The following EIF4G3 variants were observed in gnomAD, a reference collection of about 807,000 sequenced individuals.
The protein encoded by EIF4G3 is eukaryotic translation initiation factor 4 gamma 3.
Under a neutral mutation model 186.4 loss-of-function variants are expected in EIF4G3, and 34 were observed. That is an observed-to-expected ratio of 0.18 (90% confidence interval 0.14 to 0.24). The LOEUF is 0.24. EIF4G3 is among the 10% of genes least tolerant of loss of function. The pLI is 1.00. For missense variants in EIF4G3, 1,536 were observed against 1,948.5 expected (o/e 0.79, Z 3.99); for synonymous variants, 673 against 679.5 (o/e 0.99, Z 0.15).
chr1:20,862,942 C>A (rs182361922), intron 22 of EIF4G3, among the ~76,000 whole-genome samples: 13 of 151,952 alleles, frequency 8.6e-5, no homozygotes, highest in Non-Finnish European at 1.6e-4. Flanking sequence ...CTACACCCAG[C>A]TAAATTTTTC....
intron 18 of EIF4G3, chr1:20,892,682 G>A: frequency 6.5e-7 from 1 of 1,536,104 alleles, no homozygotes; most frequent in Non-Finnish European, 8.7e-7. Flanking sequence ...TTGGGGCTTT[G>A]CTCTGTTCCA....
chr1:20,948,845 C>T (rs1285770045), intron 13 of EIF4G3, among the ~76,000 whole-genome samples: 6 of 151,172 alleles, frequency 4.0e-5, no homozygotes, highest in Admixed American at 2.6e-4. Context: ...CCCGTCTATA[C>T]TAAAAATACA....
chr1:20,892,632 C>T lies in EIF4G3; in HGVS notation c.2253+885G>A, dbSNP rs755498324. On this transcript the variant is annotated intron_variant, in intron 18 of 36. Transcript: ENST00000602326. ...TGTTCAGCGCACCCCTAGAGGCAGGCTCTTCATGGGTGGGTGTGACATCAC... is the reference window on the plus strand; with the variant it reads ...TGTTCAGCGCACCCCTAGAGGCAGGTTCTTCATGGGTGGGTGTGACATCAC... The T allele has an allele frequency of 4.6e-6, 7 of 1,535,084 alleles. No individual in the cohort carries two copies. The East Asian group carries it at 1.7e-4, about 38-fold the overall frequency.
rs12139787 is a variant in EIF4G3, at chr1:21,161,435, G to A, written c.-272+14740C>T. ...TGAGAATCGCTTGAACCTGGGAGGCGGAGGTTGCAGTGAGCCGAGATCGCA... is the reference window on the plus strand; with the variant it reads ...TGAGAATCGCTTGAACCTGGGAGGCAGAGGTTGCAGTGAGCCGAGATCGCA... On this transcript the variant is annotated intron_variant, in intron 2 of 36. Coordinates refer to ENST00000602326, the MANE Select transcript of EIF4G3 (RefSeq NM_001391906.1). 4.3e-3 allele frequency: 653 copies of A among 151,462 alleles called. 5 individuals are homozygous for A. The highest frequency in any genetic ancestry group is 5.0e-3 in the African/African-American group (205 of 41,010). The allele number at this position is 151,462 out of a possible 1,614,324, so 9.4% of individuals were successfully genotyped here.
chr1:20,943,968 T>TGTGTGTGTGTGTG lies in EIF4G3; in HGVS notation c.824-1639_824-1638insCACACACACACAC, dbSNP rs1558362029. Among the ~76,000 whole-genome samples, 74 of 11,954 alleles carry TGTGTGTGTGTGTG rather than the reference T, an allele frequency of 6.2e-3. 6 individuals carry two copies. Among genetic ancestry groups the TGTGTGTGTGTGTG allele is most frequent in the East Asian group, 0.029 (29 of 1,004 alleles). The allele number at this position is 11,954 out of a possible 152,430, so 7.8% of individuals were successfully genotyped here. On this transcript the variant is annotated intron_variant, in intron 13 of 36. Coordinates refer to ENST00000602326, the MANE Select transcript of EIF4G3 (RefSeq NM_001391906.1). ...AATATTTCAGGAAAACTTGTCTTTA[T>TGTGTGTGTGTGTG]TTTTTTTGTGTGTGTGTGTGTGTGT...
Position 20,868,090 on chromosome 1 carries a change from CTTT to C in EIF4G3, c.2623-2831_2623-2829del, listed in dbSNP as rs66560662. Among the ~76,000 whole-genome samples the C allele has an allele frequency of 7.7e-5, 7 of 90,434 alleles. No individual in the cohort carries two copies. The East Asian group carries it at 1.2e-3, about 15-fold the overall frequency. 59.3% of individuals were successfully genotyped at this position (90,434 alleles called of 152,430 possible). Reference sequence around the variant, plus strand: ...GAGAATAGTGATTCATGGTGATTTTCTTTTTTTTTTTTTTTTGTCCTTAGGGGA... The same window carrying C: ...GAGAATAGTGATTCATGGTGATTTTCTTTTTTTTTTTTTGTCCTTAGGGGA... On this transcript the variant is annotated intron_variant, in intron 20 of 36. Coordinates refer to ENST00000602326, the MANE Select transcript of EIF4G3 (RefSeq NM_001391906.1).
At chr1:20,934,506 A>T (rs1385041015) in intron 14 of EIF4G3, among the ~76,000 whole-genome samples, 1 of 151,630 alleles carries the variant, frequency 6.6e-6, no homozygotes, top group Non-Finnish European at 1.5e-5. Flanking sequence ...GCAGAAAGTT[A>T]AAAAAAAGGC....
chr1:21,142,633 AT>A (rs1331189556), intron 2 of EIF4G3, among the ~76,000 whole-genome samples: 1 of 152,188 alleles, frequency 6.6e-6, no homozygotes, highest in Admixed American at 6.6e-5. Context: ...GAACCAAACC[AT>A]TTAAAACTCA....
At chr1:21,173,137 CAAAAAAAAAAAA>C (rs1193601902) in intron 2 of EIF4G3, among the ~76,000 whole-genome samples, 568 of 29,196 alleles carry the variant, frequency 0.019, 6 homozygotes, top group East Asian at 0.13. Flanking sequence ...GACTCAATCT[CAAAAAAAAAAAA>C]AAAAAAAAAA....
intron 7 of EIF4G3, among the ~76,000 whole-genome samples, chr1:20,987,458 G>C (rs1017762928): frequency 2.0e-5 from 3 of 152,230 alleles, no homozygotes; most frequent in Non-Finnish European, 4.4e-5. Context: ...TGTTGAGAAA[G>C]TCTATCAGCA....
intron 12 of EIF4G3, among the ~76,000 whole-genome samples, chr1:20,965,999 C>T (rs2074566685): frequency 6.6e-6 from 1 of 152,170 alleles, no homozygotes; most frequent in Non-Finnish European, 1.5e-5. Context: ...AACCTCTTCC[C>T]TGTTCTATTT....
chr1:21,166,025 C>T (rs1471164551), intron 2 of EIF4G3, among the ~76,000 whole-genome samples: 1 of 149,356 alleles, frequency 6.7e-6, no homozygotes, highest in Non-Finnish European at 1.5e-5. Context: ...ACACTTGCTT[C>T]AGGCCCAAAT....
At chr1:20,939,749 A>G (rs1199279819) in intron 14 of EIF4G3, among the ~76,000 whole-genome samples, 2 of 152,170 alleles carry the variant, frequency 1.3e-5, no homozygotes, top group African/African-American at 4.8e-5. Context: ...TACAAATGAA[A>G]ATGAACATTG....
chr1:21,025,119 G>A (rs558573830), intron 4 of EIF4G3, among the ~76,000 whole-genome samples: 9 of 152,244 alleles, frequency 5.9e-5, no homozygotes, highest in Non-Finnish European at 1.3e-4. Flanking sequence ...ACAAAGACCT[G>A]AAAAACTAGG....
chr1:21,058,166 A>G (rs2094656335), intron 3 of EIF4G3, among the ~76,000 whole-genome samples: 1 of 152,218 alleles, frequency 6.6e-6, no homozygotes, highest in Admixed American at 6.5e-5. Flanking sequence ...ACATGACTCC[A>G]GAGCAAGAGA....
chr1:20,957,099 T>C (rs1224678616), intron 12 of EIF4G3, among the ~76,000 whole-genome samples: 2 of 152,004 alleles, frequency 1.3e-5, no homozygotes, highest in Non-Finnish European at 1.5e-5. Context: ...ACATCTGCAA[T>C]AGAGAACATC....
intron 4 of EIF4G3, among the ~76,000 whole-genome samples, chr1:21,022,389 T>C (rs2090939782): frequency 6.6e-6 from 1 of 152,224 alleles, no homozygotes; most frequent in South Asian, 2.1e-4. Flanking sequence ...CTGTGTAATG[T>C]GACTCCCGTA....
chr1:20,923,421 A>G (rs766972682), intron 14 of EIF4G3, among the ~76,000 whole-genome samples: 7 of 152,200 alleles, frequency 4.6e-5, no homozygotes, highest in Non-Finnish European at 8.8e-5. Context: ...TTGCATTTTA[A>G]TAAGACACTT....
chr1:21,129,103 A>G (rs2097103362), intron 2 of EIF4G3, among the ~76,000 whole-genome samples: 1 of 151,798 alleles, frequency 6.6e-6, no homozygotes, highest in Non-Finnish European at 1.5e-5. Flanking sequence ...TCACAAAGTC[A>G]GGCGTTCAAG....
Sources: gnomAD v4.1 joint callset for allele counts (sites outside exome capture counted in the v4.1 genomes callset) on GRCh38, gnomAD v4.1.1 for gene constraint, MANE v1.5 for transcripts, NCBI Gene and HGNC (gene_info 2026-07-23, HGNC 2026-07-21) for gene names.